Variants in PRKAR1A observed in about 807,000 individuals in gnomAD.
The protein encoded by PRKAR1A is cAMP-dependent protein kinase type I-alpha regulatory subunit.
Under a neutral mutation model 52.0 loss-of-function variants are expected in PRKAR1A, and 3 were observed. That is an observed-to-expected ratio of 0.06 (90% confidence interval 0.03 to 0.15). PRKAR1A has a LOEUF of 0.15. Ranked by LOEUF, PRKAR1A falls within the 10% of genes least tolerant of loss-of-function variation. The pLI, the probability that PRKAR1A is intolerant of heterozygous loss-of-function variation, is 1.00. For missense variants in PRKAR1A, 240 were observed against 477.4 expected, an observed-to-expected ratio of 0.50 and a Z score of 4.63; for synonymous variants, 188 against 168.4, an observed-to-expected ratio of 1.12 and a Z score of -0.90.
the PRKAR1A span, among the ~76,000 whole-genome samples, chr17:68,465,228 G>A: frequency 6.6e-6 from 1 of 152,064 alleles, no homozygotes; most frequent in Non-Finnish European, 1.5e-5. Context: ...CACCGCGCCC[G>A]GCCCCGGCCG....
At chr17:68,542,544 C>G in intron 11 of PRKAR1A, 1 of 716,704 alleles carries the variant, frequency 1.4e-6, no homozygotes. Context: ...GTCAGGCAGA[C>G]CATGGTGGGA....
the PRKAR1A span, chr17:68,450,709 G>C: frequency 1.9e-6 from 3 of 1,598,964 alleles, no homozygotes; most frequent in Non-Finnish European, 2.6e-6. Flanking sequence ...TTGAAACCCT[G>C]AGGGATTTCC....
At chr17:68,539,802 G>C in intron 11 of PRKAR1A, 3 of 1,324,804 alleles carry the variant, frequency 2.3e-6, no homozygotes, top group Non-Finnish European at 3.2e-6. Context: ...CATTTGCAGG[G>C]CGTCTGTTTC....
chr17:68,518,424 C>T (rs544877320), intron 2 of PRKAR1A, among the ~76,000 whole-genome samples: 2 of 152,386 alleles, frequency 1.3e-5, no homozygotes, highest in East Asian at 1.9e-4. Flanking sequence ...GGTTCCCAAA[C>T]CTCAGTTCTT....
chr17:68,533,725 A>G (rs918428932), downstream of PRKAR1A, among the ~76,000 whole-genome samples: 5 of 152,048 alleles, frequency 3.3e-5, no homozygotes, highest in Admixed American at 3.3e-4. Context: ...TTATCTGTCT[A>G]TTTGTCTATT....
At chr17:68,518,337 A>G (rs1023586294) in intron 2 of PRKAR1A, among the ~76,000 whole-genome samples, 2 of 152,224 alleles carry the variant, frequency 1.3e-5, no homozygotes, top group Admixed American at 1.3e-4. Context: ...GAGGTTCTCC[A>G]GGAGGGCCAC....
At chr17:68,458,666 CTT>C in the PRKAR1A span, among the ~76,000 whole-genome samples, 2 of 152,180 alleles carry the variant, frequency 1.3e-5, no homozygotes, top group Non-Finnish European at 2.9e-5. Context: ...CAAAGAATCT[CTT>C]TTTAAAAGCT....
intron 8 of PRKAR1A, among the ~76,000 whole-genome samples, chr17:68,528,126 T>A (rs1158120678): frequency 1.3e-5 from 2 of 152,248 alleles, no homozygotes; most frequent in Non-Finnish European, 2.9e-5. Context: ...AAGTGAGTAC[T>A]TCCAACAATA....
the PRKAR1A span, among the ~76,000 whole-genome samples, chr17:68,480,139 GA>G: frequency 1.3e-5 from 2 of 152,192 alleles, no homozygotes; most frequent in East Asian, 3.9e-4. Context: ...TTTGATCCTT[GA>G]AAAAAATATA....
In PRKAR1A at chr17:68,524,005, C is replaced by T. The variant is rs946423171; in HGVS notation, c.441-11C>T. 3 of 1,614,000 alleles carry T rather than the reference C, an allele frequency of 1.9e-6. No homozygotes were observed. Among genetic ancestry groups the T allele is most frequent in the Non-Finnish European group, 2.5e-6 (3 of 1,179,912 alleles). ...TGTGAAATGTAACACGAGGCCTTCT[C>T]TCTTTTGCAGTGATATTTTTGATGC... On this transcript the variant is annotated splice_polypyrimidine_tract_variant and intron_variant, in intron 4 of 10. Transcript: ENST00000589228.
intron 4 of PRKAR1A, 75 bp from the exon 5 acceptor site, chr17:68,523,941 T>C (rs2085699256): frequency 1.3e-6 from 2 of 1,594,028 alleles, no homozygotes; most frequent in Non-Finnish European, 1.7e-6. Flanking sequence ...CTGGGGTCTT[T>C]AATTCTAAGC....
Position 68,532,325 on chromosome 17 carries a change from G to T in PRKAR1A, c.*1876G>T, listed in dbSNP as rs2085998976. On this transcript the variant is annotated 3_prime_UTR_variant, in exon 11 of 11. Transcript: ENST00000589228. ...GCCATAAAATTGCAGTTTCATGTAT[G>T]TATATAATCATGCTCATGTATATTT... is the stretch of plus-strand genomic sequence containing the variant. The T allele has an allele frequency of 1.9e-6, 2 of 1,054,086 alleles. No individual in the cohort carries two copies. Among genetic ancestry groups the T allele is most frequent in the Non-Finnish European group, 1.2e-6 (1 of 868,972 alleles). The allele number at this position is 1,054,086 out of a possible 1,614,324, so 65.3% of individuals were successfully genotyped here. A position where few individuals can be genotyped will look rare whatever the true frequency, so the allele number is the denominator to read the frequency against.
At chr17:68,504,962 C>A in the PRKAR1A span, among the ~76,000 whole-genome samples, 57,226 of 151,854 alleles carry the variant, frequency 0.38, 11,552 homozygotes, top group East Asian at 0.66. Context: ...TGTACCCACA[C>A]AAATAAAAAA....
intron 6 of PRKAR1A, among the ~76,000 whole-genome samples, chr17:68,525,358 A>T (rs921035706): frequency 2.0e-5 from 3 of 151,640 alleles, no homozygotes; most frequent in African/African-American, 7.3e-5. Flanking sequence ...TACCTTTCTT[A>T]TTCACAAATG....
the PRKAR1A span, among the ~76,000 whole-genome samples, chr17:68,465,236 C>G: frequency 6.6e-6 from 1 of 151,586 alleles, no homozygotes; most frequent in African/African-American, 2.4e-5. Context: ...CCGGCCCCGG[C>G]CGGGTTATTT....
At chr17:68,426,131 C>A in the PRKAR1A span, 1 of 1,612,216 alleles carries the variant, frequency 6.2e-7, no homozygotes, top group Non-Finnish European at 8.5e-7. Context: ...AACTCATGTT[C>A]AGGAATAACT....
At chr17:68,500,364 C>A in the PRKAR1A span, among the ~76,000 whole-genome samples, 1 of 152,170 alleles carries the variant, frequency 6.6e-6, no homozygotes, top group Non-Finnish European at 1.5e-5. Flanking sequence ...AGGGGAAACC[C>A]CTTTCACTTT....
chr17:68,534,645 T>G (rs1219177721), downstream of PRKAR1A, among the ~76,000 whole-genome samples: 1 of 151,254 alleles, frequency 6.6e-6, no homozygotes, highest in Non-Finnish European at 1.5e-5. Context: ...AGTGATGAAG[T>G]GCTGACTAGT....
Position 68,532,138 on chromosome 17 carries a change from CA to C in PRKAR1A, c.*1693del. Reference sequence around the variant, plus strand: ...ACCTTGTTACAAATTTTTTAATTTCCAAAATAATCTATATTAAATGAGGGTT... The same window carrying C: ...ACCTTGTTACAAATTTTTTAATTTCCAAATAATCTATATTAAATGAGGGTT... On this transcript the variant is annotated 3_prime_UTR_variant, in exon 11 of 11. Transcript: ENST00000589228. The C allele has an allele frequency of 9.5e-7, 1 of 1,056,534 alleles. No individual in the cohort carries two copies. Among genetic ancestry groups the C allele is most frequent in the African/African-American group, 1.6e-5 (1 of 60,902 alleles). 65.4% of individuals were successfully genotyped at this position (1,056,534 alleles called of 1,614,324 possible).
Sources: gnomAD v4.1 joint callset for allele counts (sites outside exome capture counted in the v4.1 genomes callset) on GRCh38, gnomAD v4.1.1 for gene constraint, MANE v1.5 for transcripts, NCBI Gene and HGNC (gene_info 2026-07-23, HGNC 2026-07-21) for gene names.